Variants in ACTR2 observed in about 807,000 individuals in gnomAD.
ACTR2 encodes actin related protein 2, also known as actin-related protein 2.
A neutral mutation model predicts 50.2 loss-of-function variants in ACTR2; 5 were observed. The ratio of observed to expected loss-of-function variants is 0.10; its 90% CI spans 0.05 to 0.21. The LOEUF is 0.21. ACTR2 is among the 10% of genes least tolerant of loss of function. ACTR2 has a pLI of 1.00. For missense variants in ACTR2, 180 were observed against 480.6 expected (o/e 0.37, Z 5.85); for synonymous variants, 140 against 162.9 (o/e 0.86, Z 1.07).
At position 65,261,270 on chromosome 2, in the gene ACTR2, A is replaced by G; in HGVS notation, c.759A>G (p.Lys253=). The G allele has an allele frequency of 6.2e-7, 1 of 1,614,050 alleles. No homozygotes were observed. The highest frequency in any genetic ancestry group is 8.5e-7 in the Non-Finnish European group (1 of 1,180,000). ...AGCTCCCAGATGGACGTATCATCAA[A>G]GTTGGGGGAGAGAGATTTGAAGCAC... ...SYTLPDGRII[K]VGGERFEAPE... The change falls in exon 7 of 9, where the codon AAA becomes AAG. Residue 253 remains lysine, a synonymous_variant. Transcript: ENST00000260641.
intron 3 of ACTR2, 111 bp from the exon 4 acceptor site, chr2:65,250,916 C>A (rs1259889694): frequency 1.7e-6 from 1 of 584,506 alleles, no homozygotes; most frequent in South Asian, 3.3e-5. Flanking sequence ...TATTTCAGGT[C>A]CATTTGATTC....
At chr2:65,268,459 G>A in intron 8 of ACTR2, 105 bp from the exon 9 acceptor site, 1 of 978,286 alleles carries the variant, frequency 1.0e-6, no homozygotes, top group Non-Finnish European at 1.5e-6. Flanking sequence ...TATATTACAG[G>A]ACTGTTGCAA....
At chr2:65,232,008 A>G (rs1237834458) in intron 1 of ACTR2, among the ~76,000 whole-genome samples, 3 of 152,208 alleles carry the variant, frequency 2.0e-5, no homozygotes, top group Non-Finnish European at 4.4e-5. Flanking sequence ...TTGATTTTCT[A>G]TCTCCCAGCT....
chr2:65,252,866 C>T (rs1672080072), intron 4 of ACTR2, among the ~76,000 whole-genome samples: 1 of 152,070 alleles, frequency 6.6e-6, no homozygotes, highest in African/African-American at 2.4e-5. Context: ...ACTTGAGAGG[C>T]TGAGGTGAGA....
At chr2:65,260,222 A>G (rs1439019686) in intron 6 of ACTR2, among the ~76,000 whole-genome samples, 1 of 152,212 alleles carries the variant, frequency 6.6e-6, no homozygotes, top group Admixed American at 6.5e-5. Flanking sequence ...AAAATGTTTA[A>G]TGTGGCTAGG....
At chr2:65,231,166 G>A (rs1671630608) in intron 1 of ACTR2, among the ~76,000 whole-genome samples, 1 of 152,050 alleles carries the variant, frequency 6.6e-6, no homozygotes, top group African/African-American at 2.4e-5. Flanking sequence ...AATGAAAAAA[G>A]TGAGTGTAAT....
At position 65,255,714 on chromosome 2, in the gene ACTR2, AAT is replaced by A. The variant is rs1672137165; in HGVS notation, c.735+27_735+28del. 1.3e-6 allele frequency: 2 copies of A among 1,596,746 alleles called. No homozygotes were observed. The highest frequency in any genetic ancestry group is 3.4e-5 in the Admixed American group (2 of 58,222). On this transcript the variant is annotated intron_variant, in intron 6 of 8. Coordinates refer to ENST00000260641, the MANE Select transcript of ACTR2 (RefSeq NM_005722.4). The stretch of plus-strand genomic sequence containing the variant: ...TATACAGTAAGTGTTTCCAGTGTAT[AAT>A]ATATATGTGTTTTAAAGTGGACAGC...
chr2:65,259,744 T>C (rs1358269758), intron 6 of ACTR2, among the ~76,000 whole-genome samples: 1 of 151,998 alleles, frequency 6.6e-6, no homozygotes, highest in African/African-American at 2.4e-5. Flanking sequence ...AAAATTAAAT[T>C]ATAAATGTAC....
chr2:65,251,410 G>T (rs1437492483), intron 4 of ACTR2, among the ~76,000 whole-genome samples: 1 of 152,044 alleles, frequency 6.6e-6, no homozygotes, highest in Non-Finnish European at 1.5e-5. Flanking sequence ...TGCCCAGGCC[G>T]GAGTGCAATA....
intron 1 of ACTR2, chr2:65,228,219 C>T (rs1183577363): frequency 5.3e-6 from 2 of 377,370 alleles, no homozygotes; most frequent in African/African-American, 2.1e-5. Context: ...ATGGAGCCTA[C>T]TGACCGCCCG....
intron 1 of ACTR2, among the ~76,000 whole-genome samples, chr2:65,229,393 T>C (rs926549261): frequency 6.6e-6 from 1 of 152,150 alleles, no homozygotes; most frequent in Non-Finnish European, 1.5e-5. Context: ...GTTACACAAT[T>C]TTACAAGCAA....
At chr2:65,264,735 G>A (rs1174702608) in intron 7 of ACTR2, among the ~76,000 whole-genome samples, 1 of 152,188 alleles carries the variant, frequency 6.6e-6, no homozygotes, top group Non-Finnish European at 1.5e-5. Context: ...CTTTAGGGAA[G>A]CATGTGATAA....
At chr2:65,241,438 T>C (rs945063306) in intron 2 of ACTR2, among the ~76,000 whole-genome samples, 1 of 152,214 alleles carries the variant, frequency 6.6e-6, no homozygotes, top group African/African-American at 2.4e-5. Flanking sequence ...TTTGTCAGTA[T>C]GCTAATAAAA....
chr2:65,237,169 T>G (rs1671754451), intron 1 of ACTR2, among the ~76,000 whole-genome samples: 1 of 152,186 alleles, frequency 6.6e-6, no homozygotes, highest in Non-Finnish European at 1.5e-5. Flanking sequence ...GTGCAGACTA[T>G]GATTACATTT....
At chr2:65,257,203 T>C (rs535430232) in intron 6 of ACTR2, among the ~76,000 whole-genome samples, 130 of 151,742 alleles carry the variant, frequency 8.6e-4, no homozygotes, top group African/African-American at 3.0e-3. Context: ...TGGTGTTTGG[T>C]TTTCTGTTCC....
intron 3 of ACTR2, among the ~76,000 whole-genome samples, chr2:65,249,017 A>G (rs1019368909): frequency 6.9e-6 from 1 of 144,864 alleles, no homozygotes; most frequent in Non-Finnish European, 1.6e-5. Flanking sequence ...TGTCTCAAAA[A>G]GAAAAAAGAA....
chr2:65,230,352 A>G (rs1423856127), intron 1 of ACTR2, among the ~76,000 whole-genome samples: 4 of 150,456 alleles, frequency 2.7e-5, no homozygotes, highest in Non-Finnish European at 5.9e-5. Context: ...TATTTGTAGT[A>G]TATATGAGTT....
At chr2:65,245,869 A>G (rs1208755504) in intron 2 of ACTR2, among the ~76,000 whole-genome samples, 2 of 152,164 alleles carry the variant, frequency 1.3e-5, no homozygotes, top group Non-Finnish European at 2.9e-5. Flanking sequence ...AGACAATTTT[A>G]AAGGATGGGT....
At chr2:65,232,148 T>C (rs1399127350) in intron 1 of ACTR2, among the ~76,000 whole-genome samples, 1 of 152,226 alleles carries the variant, frequency 6.6e-6, no homozygotes, top group Non-Finnish European at 1.5e-5. Flanking sequence ...GGTGAAAATC[T>C]GGAGGTCTGT....
Sources: gnomAD v4.1 joint callset for allele counts (sites outside exome capture counted in the v4.1 genomes callset) on GRCh38, gnomAD v4.1.1 for gene constraint, MANE v1.5 for transcripts, NCBI Gene and HGNC (gene_info 2026-07-23, HGNC 2026-07-21) for gene names.